Variants in ANKRD28 observed in about 807,000 individuals in gnomAD.
ANKRD28 encodes the protein serine/threonine-protein phosphatase 6 regulatory ankyrin repeat subunit A.
ANKRD28 carries 44 observed loss-of-function variants against 126.5 expected under a neutral mutation model. That is an observed-to-expected ratio of 0.35 (90% CI 0.27 to 0.45). The LOEUF is 0.45. Among genes scored for constraint, ANKRD28 ranks in the 20% least tolerant of loss-of-function variants. The pLI is 1.00. For synonymous variants in ANKRD28, 442 were observed against 468.5 expected, an observed-to-expected ratio of 0.94 and a Z score of 0.73; for missense variants, 1,110 against 1,316.6, an observed-to-expected ratio of 0.84 and a Z score of 2.43.
chr3:15,798,768 C>T (rs535757175), upstream of ANKRD28, among the ~76,000 whole-genome samples: 47 of 152,020 alleles, frequency 3.1e-4, no homozygotes, highest in Non-Finnish European at 5.6e-4. Context: ...ATCATTTCAT[C>T]GTTTTTTTTC....
chr3:15,779,483 G>C (rs765403079), intron 2 of ANKRD28, among the ~76,000 whole-genome samples: 2 of 152,190 alleles, frequency 1.3e-5, no homozygotes, highest in Non-Finnish European at 2.9e-5. Flanking sequence ...GTAGAATTGA[G>C]AGGTGACATA....
At chr3:15,698,477 A>G (rs999227018) in intron 14 of ANKRD28, among the ~76,000 whole-genome samples, 3 of 152,250 alleles carry the variant, frequency 2.0e-5, no homozygotes, top group Non-Finnish European at 4.4e-5. Flanking sequence ...ACATGAATGT[A>G]TATTTAGAAA....
chr3:15,783,049 A>C (rs2059608454), intron 2 of ANKRD28, among the ~76,000 whole-genome samples: 1 of 152,048 alleles, frequency 6.6e-6, no homozygotes, highest in African/African-American at 2.4e-5. Context: ...TTAAGATACA[A>C]CACCAAAACC....
At chr3:15,697,022 A>C (rs973207123) in intron 14 of ANKRD28, among the ~76,000 whole-genome samples, 2 of 152,204 alleles carry the variant, frequency 1.3e-5, no homozygotes, top group Non-Finnish European at 2.9e-5. Context: ...CAATTGCAAA[A>C]ATATGAAACA....
At chr3:15,828,047 A>G (rs1382275994) in intron 1 of ANKRD28, among the ~76,000 whole-genome samples, 1 of 152,216 alleles carries the variant, frequency 6.6e-6, no homozygotes, top group Non-Finnish European at 1.5e-5. Context: ...AATAGCTATT[A>G]TTAAAAATTG....
chr3:15,723,017 C>G (rs1250235501), intron 7 of ANKRD28, among the ~76,000 whole-genome samples: 1 of 152,092 alleles, frequency 6.6e-6, no homozygotes, highest in African/African-American at 2.4e-5. Flanking sequence ...TTTTGATGAA[C>G]AAATAGTCAC....
At chr3:15,829,805 G>T (rs534101408) in intron 1 of ANKRD28, among the ~76,000 whole-genome samples, 72 of 151,988 alleles carry the variant, frequency 4.7e-4, no homozygotes, top group Non-Finnish European at 9.1e-4. Flanking sequence ...AACAAATATT[G>T]ACAGTGGCTT....
chr3:15,760,161 G>A (rs79688902), intron 3 of ANKRD28, among the ~76,000 whole-genome samples: 8,387 of 152,194 alleles, frequency 0.055, 667 homozygotes, highest in African/African-American at 0.18. Flanking sequence ...TGGACACACA[G>A]AGGGACACAA....
At chr3:15,774,615 A>G (rs1268917216) in intron 2 of ANKRD28, among the ~76,000 whole-genome samples, 1 of 152,208 alleles carries the variant, frequency 6.6e-6, no homozygotes, top group African/African-American at 2.4e-5. Context: ...TATTATCTTT[A>G]CAACTCAAGT....
chr3:15,767,700 T>TAAAAAAAAAAAAAA (rs57072807), intron 2 of ANKRD28, among the ~76,000 whole-genome samples: 1 of 64,358 alleles, frequency 1.6e-5, no homozygotes, highest in Non-Finnish European at 2.9e-5. Context: ...TAGTCTCTAC[T>TAAAAAAAAAAAAAA]AAAAAAAAAA....
chr3:15,758,301 T>G (rs1436449074), intron 3 of ANKRD28, among the ~76,000 whole-genome samples: 1 of 152,182 alleles, frequency 6.6e-6, no homozygotes, highest in Admixed American at 6.5e-5. Context: ...GGCAAAAGGT[T>G]CAGATTCGGT....
At chr3:15,752,930 T>C (rs2057945404) in intron 3 of ANKRD28, among the ~76,000 whole-genome samples, 1 of 152,190 alleles carries the variant, frequency 6.6e-6, no homozygotes, top group African/African-American at 2.4e-5. Flanking sequence ...GATTAACATA[T>C]AATAAATGTG....
At chr3:15,701,275 G>C (rs1054149645) in intron 14 of ANKRD28, among the ~76,000 whole-genome samples, 4 of 152,152 alleles carry the variant, frequency 2.6e-5, no homozygotes, top group African/African-American at 7.2e-5. Context: ...TTCAATGGCA[G>C]CAAATATTCA....
intron 7 of ANKRD28, among the ~76,000 whole-genome samples, chr3:15,721,545 T>C (rs1201258285): frequency 6.6e-6 from 1 of 152,172 alleles, no homozygotes; most frequent in African/African-American, 2.4e-5. Context: ...ATCTTTTTCA[T>C]TTTGCAGTGA....
chr3:15,744,470 T>C (rs1020581833), intron 4 of ANKRD28, among the ~76,000 whole-genome samples: 1 of 124,110 alleles, frequency 8.1e-6, no homozygotes, highest in East Asian at 2.5e-4. Context: ...CCACCAAACC[T>C]GGCTTTTTTT....
At chr3:15,687,373 T>C (rs1166726424) in intron 18 of ANKRD28, among the ~76,000 whole-genome samples, 2 of 152,076 alleles carry the variant, frequency 1.3e-5, no homozygotes, top group Non-Finnish European at 2.9e-5. Context: ...AAATGATCCA[T>C]CTAAAGAATG....
At chr3:15,787,358 G>A (rs757277410) in intron 2 of ANKRD28, among the ~76,000 whole-genome samples, 3 of 152,112 alleles carry the variant, frequency 2.0e-5, no homozygotes, top group Admixed American at 1.3e-4. Flanking sequence ...TGGATCTTGG[G>A]AGAAACCTCA....
chr3:15,688,971 G>T (rs1158182630), intron 18 of ANKRD28, among the ~76,000 whole-genome samples: 1 of 152,198 alleles, frequency 6.6e-6, no homozygotes, highest in Non-Finnish European at 1.5e-5. Flanking sequence ...CTACCAGAAA[G>T]AAATAAATAC....
chr3:15,857,925 A>G (rs1295448314), intron 1 of ANKRD28, among the ~76,000 whole-genome samples: 1 of 152,272 alleles, frequency 6.6e-6, no homozygotes, highest in Non-Finnish European at 1.5e-5. Flanking sequence ...TTTGACTGGT[A>G]AAGGTTACTG....
Sources: allele counts gnomAD v4.1 joint callset (sites outside exome capture counted in the v4.1 genomes callset), GRCh38; gene constraint gnomAD v4.1.1; transcripts MANE v1.5; gene names NCBI Gene and HGNC (gene_info 2026-07-23, HGNC 2026-07-21).